ZGPAT: variants seen among roughly 807,000 people sequenced by gnomAD.
ZGPAT encodes the protein zinc finger CCCH-type and G-patch domain containing.
In ZGPAT, 39 loss-of-function variants were observed where a neutral mutation model predicts 47.9. The ratio of observed to expected loss-of-function variants is 0.81; its 90% CI spans 0.63 to 1.06. The LOEUF (loss-of-function observed/expected upper bound fraction) is 1.06, where lower values mean the gene tolerates loss of function less well. Ranked by LOEUF, ZGPAT falls within the 50% of genes least tolerant of loss-of-function variation. The pLI, the probability that ZGPAT is intolerant of heterozygous loss-of-function variation, is 0.00. For missense variants in ZGPAT, 717 were observed against 681.4 expected, an observed-to-expected ratio of 1.05 and a Z score of -0.58; for synonymous variants, 348 against 292.9, an observed-to-expected ratio of 1.19 and a Z score of -1.92.
chr20:63,726,805 G>A lies in ZGPAT; in HGVS notation c.585-6414G>A, dbSNP rs571533432. On this transcript the variant is annotated intron_variant, in intron 2 of 6. Transcript: ENST00000355969. ...GCCTCCCAAAGTCCAGGGATTACAGGCATGAGCCACTGCTCCTGACCATGG... is the reference window on the plus strand; with the variant it reads ...GCCTCCCAAAGTCCAGGGATTACAGACATGAGCCACTGCTCCTGACCATGG... 2.4e-4 allele frequency among the ~76,000 whole-genome samples: 37 copies of A among 152,268 alleles called. No individual in the cohort carries two copies. The South Asian group carries it at 2.5e-3, about 10-fold the overall frequency.
In ZGPAT at chr20:63,709,077, G is replaced by A; in HGVS notation, c.497G>A (p.Arg166His). Residue 166 changes from arginine (R) to histidine (H), a missense_variant, in exon 2 of 7, where the codon CGT becomes CAT. Arg to His is a conservative substitution (Grantham distance 29). Transcript: ENST00000355969. ...EEAEDGSAGV[R>H]VLYLYPTHKS... ...GCGGAGGATGGCTCGGCGGGTGTCC[G>A]TGTGCTTTACCTGTACCCCACTCAC... 1.9e-6 allele frequency: 3 copies of A among 1,613,166 alleles called. No homozygotes were observed. Among genetic ancestry groups the A allele is most frequent in the Non-Finnish European group, 1.7e-6 (2 of 1,180,012 alleles).
At chr20:63,709,353 G>A (rs1434226676) in intron 2 of ZGPAT, among the ~76,000 whole-genome samples, 189 bp downstream of exon 2, 1 of 152,292 alleles carries the variant, frequency 6.6e-6, no homozygotes, top group African/African-American at 2.4e-5. Flanking sequence ...AAGCATGGAA[G>A]GAGGCCAGGC....
chr20:63,711,008 C>T (rs1349888148), intron 2 of ZGPAT, among the ~76,000 whole-genome samples: 2 of 150,594 alleles, frequency 1.3e-5, no homozygotes, highest in Admixed American at 1.3e-4. Flanking sequence ...AGTTCTAGTT[C>T]TAGTTCTTTG....
In ZGPAT at chr20:63,715,731, A is replaced by C. The variant is rs552140617; in HGVS notation, c.584+6567A>C. 5.3e-5 allele frequency among the ~76,000 whole-genome samples: 8 copies of C among 152,200 alleles called. No homozygotes were observed. The South Asian group carries it at 1.7e-3, about 32-fold the overall frequency. On this transcript the variant is annotated intron_variant, in intron 2 of 6. Coordinates refer to ENST00000355969, the MANE Select transcript of ZGPAT (RefSeq NM_181485.3). ...ATTGGCCTCATAGAATGAGTTAGGAAGTATTCTTTATATTATGGGAAGAGG... is the reference window on the plus strand; with the variant it reads ...ATTGGCCTCATAGAATGAGTTAGGACGTATTCTTTATATTATGGGAAGAGG...
chr20:63,734,540 G>A (rs2145705131), intron 4 of ZGPAT, 165 bp from the exon 5 acceptor site: 2 of 1,347,442 alleles, frequency 1.5e-6, no homozygotes, highest in Non-Finnish European at 2.0e-6. Context: ...AAGAGGTGGG[G>A]TGTCGTGGCT....
intron 5 of ZGPAT, 138 bp from the exon 6 acceptor site, chr20:63,735,021 G>C: frequency 2.9e-6 from 4 of 1,361,618 alleles, no homozygotes; most frequent in Non-Finnish European, 3.9e-6. Flanking sequence ...CAGATTCCCA[G>C]GGTCCTACGG....
intron 3 of ZGPAT, 31 bp downstream of exon 3, chr20:63,733,383 C>T: frequency 6.2e-7 from 1 of 1,605,072 alleles, no homozygotes; most frequent in Non-Finnish European, 8.5e-7. Context: ...CTCCCGGGAA[C>T]ACCCTCCCAG....
At chr20:63,730,922 T>TTCCCTC in intron 2 of ZGPAT, among the ~76,000 whole-genome samples, 3 of 124,640 alleles carry the variant, frequency 2.4e-5, no homozygotes, top group East Asian at 2.9e-4. Flanking sequence ...TTCCTCTTCA[T>TTCCCTC]TCTCTCTCTC....
At chr20:63,734,597 C>T (rs2091958572) in intron 4 of ZGPAT, 108 bp from the exon 5 acceptor site, 10 of 1,541,422 alleles carry the variant, frequency 6.5e-6, no homozygotes, top group Middle Eastern at 2.3e-4. Context: ...TCACCATGCA[C>T]AATCCTCTGG....
chr20:63,733,213 C>T lies in ZGPAT; in HGVS notation c.585-6C>T. 6.2e-7 allele frequency: 1 copy of T among 1,612,906 alleles called. No individual in the cohort carries two copies. The highest frequency in any genetic ancestry group is 8.5e-7 in the Non-Finnish European group (1 of 1,179,262). ...TGAGCCCTGCCCCTTACGGCTCTGT[C>T]TGCAGGTTCTCCCATGGGCAGGTGG... On this transcript the variant is annotated splice_polypyrimidine_tract_variant and splice_region_variant and intron_variant, in intron 2 of 6. Transcript: ENST00000355969.
intron 2 of ZGPAT, among the ~76,000 whole-genome samples, chr20:63,723,375 C>T (rs1258026662): frequency 7.7e-6 from 1 of 129,104 alleles, no homozygotes; most frequent in African/African-American, 2.9e-5. Context: ...ACAGCTCCAT[C>T]CTCCCTTCTC....
intron 2 of ZGPAT, among the ~76,000 whole-genome samples, chr20:63,719,029 G>C (rs930623371): frequency 6.8e-6 from 1 of 147,508 alleles, no homozygotes; most frequent in African/African-American, 2.5e-5. Context: ...TCACACCACT[G>C]TACTCCAGCC....
chr20:63,735,079 G>A (rs563584731), intron 5 of ZGPAT, 80 bp from the exon 6 acceptor site: 13 of 1,442,022 alleles, frequency 9.0e-6, no homozygotes, highest in South Asian at 7.6e-5. Context: ...GGGTCCCGTG[G>A]CCACAGCACT....
At chr20:63,722,417 A>G (rs955572632) in intron 2 of ZGPAT, among the ~76,000 whole-genome samples, 45 of 151,204 alleles carry the variant, frequency 3.0e-4, no homozygotes, top group African/African-American at 1.1e-3. Flanking sequence ...AATAGAAAAA[A>G]GTTTATTGTG....
intron 2 of ZGPAT, among the ~76,000 whole-genome samples, chr20:63,711,185 A>G (rs557238427): frequency 6.6e-6 from 1 of 152,226 alleles, no homozygotes; most frequent in Admixed American, 6.5e-5. Context: ...GTGCACTGCC[A>G]CGCCCAGCTA....
Position 63,732,854 on chromosome 20 carries a change from A to G in ZGPAT, c.585-365A>G, listed in dbSNP as rs945333800. On this transcript the variant is annotated intron_variant, in intron 2 of 6. Coordinates refer to ENST00000355969, the MANE Select transcript of ZGPAT (RefSeq NM_181485.3). Reference sequence around the variant, plus strand: ...TGCCTGTGTGAGTGCATGTGTGTGTACATGTGTATATGCGCGTGTGCGTAT... The same window carrying G: ...TGCCTGTGTGAGTGCATGTGTGTGTGCATGTGTATATGCGCGTGTGCGTAT... Among the ~76,000 whole-genome samples, 110 of 150,814 alleles carry G rather than the reference A, an allele frequency of 7.3e-4. 2 individuals are homozygous for G. The highest frequency in any genetic ancestry group is 3.7e-4 in the Non-Finnish European group (25 of 67,686).
chr20:63,709,608 GC>G (rs2091634491), intron 2 of ZGPAT, among the ~76,000 whole-genome samples: 1 of 152,248 alleles, frequency 6.6e-6, no homozygotes, highest in African/African-American at 2.4e-5. Context: ...CTGTACTGCA[GC>G]CCGAGCAGCA....
At chr20:63,733,482 C>T in intron 3 of ZGPAT, 105 bp from the exon 4 acceptor site, 1 of 1,604,758 alleles carries the variant, frequency 6.2e-7, no homozygotes. Flanking sequence ...AATGAGCACA[C>T]CTACCCTCAG....
chr20:63,708,728 A>C lies in ZGPAT; in HGVS notation c.148A>C (p.Thr50Pro). The change falls in exon 2 of 7, where the codon ACC becomes CCC. Residue 50 changes from threonine to proline, a missense_variant. Coordinates refer to ENST00000355969, the MANE Select transcript of ZGPAT (RefSeq NM_181485.3). ...GGACCTGAAGGAGCTCATCGAGCTC[A>C]CCGAGGCCAGCCTGGTGTCTGTCAG... is the stretch of plus-strand genomic sequence containing the variant. ...QGDLKELIEL[T>P]EASLVSVRKS... 1 of 1,612,734 alleles carries C rather than the reference A, an allele frequency of 6.2e-7. No individual in the cohort carries two copies. Among genetic ancestry groups the C allele is most frequent in the Non-Finnish European group, 8.5e-7 (1 of 1,179,856 alleles).
Sources: allele counts gnomAD v4.1 joint callset (sites outside exome capture counted in the v4.1 genomes callset), GRCh38; gene constraint gnomAD v4.1.1; transcripts MANE v1.5; gene names NCBI Gene and HGNC (gene_info 2026-07-23, HGNC 2026-07-21).